The following R3HDM1 variants were observed in gnomAD, a reference collection of about 807,000 sequenced individuals.
R3HDM1 encodes the protein R3H domain containing 1, also known as R3H domain-containing protein 1.
Under a neutral mutation model 141.1 loss-of-function variants are expected in R3HDM1, and 46 were observed. The observed-to-expected ratio is 0.33, with a 90% CI of 0.26 to 0.42. The LOEUF (loss-of-function observed/expected upper bound fraction) is 0.42, where lower values mean the gene tolerates loss of function less well. R3HDM1 is among the 10% of genes least tolerant of loss of function. R3HDM1 has a pLI of 1.00. For synonymous variants in R3HDM1, 435 were observed against 472.9 expected, an observed-to-expected ratio of 0.92 and a Z score of 1.04; for missense variants, 1,184 against 1,368.3, an observed-to-expected ratio of 0.87 and a Z score of 2.12.
intron 9 of R3HDM1, among the ~76,000 whole-genome samples, chr2:135,635,099 C>T (rs1409394962): frequency 2.0e-5 from 3 of 152,180 alleles, no homozygotes; most frequent in African/African-American, 7.2e-5. Flanking sequence ...ACTTTGACTT[C>T]TATAAAAGAA....
At chr2:135,642,588 A>G (rs2063917271) in intron 15 of R3HDM1, among the ~76,000 whole-genome samples, 1 of 152,240 alleles carries the variant, frequency 6.6e-6, no homozygotes, top group Admixed American at 6.5e-5. Context: ...TCAAGATAGC[A>G]TAGCCCAGTC....
Position 135,652,052 on chromosome 2 carries a change from T to G in R3HDM1, c.2028+20T>G, listed in dbSNP as rs1453229935. 3 of 1,528,124 alleles carry G rather than the reference T, an allele frequency of 2.0e-6. No individual in the cohort carries two copies. In the Admixed American group the frequency reaches 6.1e-5, roughly 31 times the overall value. The allele number at this position is 1,528,124 out of a possible 1,614,324, so 94.7% of individuals were successfully genotyped here. A position where few individuals can be genotyped will look rare whatever the true frequency, so the allele number is the denominator to read the frequency against. Reference sequence around the variant, plus strand: ...CCACAGGTATATTGCTTTTTAACCTTTTCTTTCTTGTGGAAACCTCTCACT... The same window carrying G: ...CCACAGGTATATTGCTTTTTAACCTGTTCTTTCTTGTGGAAACCTCTCACT... On this transcript the variant is annotated intron_variant, in intron 18 of 26. Transcript: ENST00000683871.
At chr2:135,616,557 C>A in intron 4 of R3HDM1, 111 bp from the exon 5 acceptor site, 1 of 850,586 alleles carries the variant, frequency 1.2e-6, no homozygotes, top group Middle Eastern at 2.9e-4. Flanking sequence ...ATTTCATCTA[C>A]TGTTATACAT....
At chr2:135,579,318 A>G (rs995880677) in intron 1 of R3HDM1, among the ~76,000 whole-genome samples, 1 of 152,242 alleles carries the variant, frequency 6.6e-6, no homozygotes, top group African/African-American at 2.4e-5. Context: ...TGTAACCCAC[A>G]AAATAAAACA....
chr2:135,676,470 T>G (rs1314772163), intron 20 of R3HDM1, among the ~76,000 whole-genome samples: 2 of 152,230 alleles, frequency 1.3e-5, no homozygotes, highest in African/African-American at 4.8e-5. Context: ...CAAGAGGGTT[T>G]ATTTTATTAG....
intron 3 of R3HDM1, chr2:135,605,291 G>T (rs1471811216): frequency 5.0e-6 from 1 of 198,978 alleles, no homozygotes; most frequent in Non-Finnish European, 1.0e-5. Flanking sequence ...TACCAGTGCT[G>T]TGAGAGTTTT....
chr2:135,681,993 G>A (rs1432441327), intron 21 of R3HDM1, among the ~76,000 whole-genome samples: 1 of 150,586 alleles, frequency 6.6e-6, no homozygotes, highest in African/African-American at 2.4e-5. Flanking sequence ...CATTTGTTGT[G>A]TGAGTTTAAA....
chr2:135,663,585 A>C (rs1481261048), intron 19 of R3HDM1, among the ~76,000 whole-genome samples: 7 of 152,238 alleles, frequency 4.6e-5, no homozygotes, highest in Non-Finnish European at 1.0e-4. Context: ...ATTTTCCTTT[A>C]AAGAAAAGTT....
chr2:135,715,811 C>T (rs1048032095), intron 24 of R3HDM1, 117 bp downstream of exon 24: 27 of 1,251,142 alleles, frequency 2.2e-5, no homozygotes, highest in Non-Finnish European at 2.9e-5. Flanking sequence ...TGCATCTTCA[C>T]CTACACTCAG....
intron 18 of R3HDM1, among the ~76,000 whole-genome samples, chr2:135,654,993 T>G (rs1263036662): frequency 6.6e-6 from 1 of 152,062 alleles, no homozygotes; most frequent in Non-Finnish European, 1.5e-5. Context: ...TTTTCACTCA[T>G]TCTGTAAAAT....
chr2:135,636,324 G>A, intron 11 of R3HDM1, 141 bp downstream of exon 11: 2 of 1,362,870 alleles, frequency 1.5e-6, no homozygotes, highest in Admixed American at 3.2e-5. Flanking sequence ...GAAATATTGA[G>A]ATCAGTTTTG....
intron 1 of R3HDM1, among the ~76,000 whole-genome samples, chr2:135,551,977 T>C (rs967886367): frequency 6.6e-6 from 1 of 152,174 alleles, no homozygotes. Context: ...CTGCTTAGAG[T>C]CTAATTGCAA....
intron 21 of R3HDM1, among the ~76,000 whole-genome samples, chr2:135,694,421 A>G (rs746593173): frequency 6.6e-6 from 1 of 152,202 alleles, no homozygotes; most frequent in African/African-American, 2.4e-5. Context: ...AGGGATATTG[A>G]AGAAAGGATC....
At chr2:135,672,387 A>C (rs1052025253) in intron 19 of R3HDM1, among the ~76,000 whole-genome samples, 1 of 152,200 alleles carries the variant, frequency 6.6e-6, no homozygotes, top group Admixed American at 6.5e-5. Flanking sequence ...ACTATTCCCC[A>C]TTAAAACATA....
At position 135,669,487 on chromosome 2, in the gene R3HDM1, G is replaced by A. The variant is rs1386673028; in HGVS notation, c.2153-5845G>A. 3 of 984,074 alleles carry A rather than the reference G, an allele frequency of 3.0e-6. No individual in the cohort carries two copies. In the African/African-American group the frequency reaches 5.2e-5, roughly 17 times the overall value. The allele number at this position is 984,074 out of a possible 1,614,324, so 61.0% of individuals were successfully genotyped here. Reference sequence around the variant, plus strand: ...TAATTAAGTTTATCTTGAGACTTAGGTATGTTAAGCTACAGTAAAGTCTTC... The same window carrying A: ...TAATTAAGTTTATCTTGAGACTTAGATATGTTAAGCTACAGTAAAGTCTTC... On this transcript the variant is annotated intron_variant, in intron 19 of 26. Coordinates refer to ENST00000683871, the MANE Select transcript of R3HDM1 (RefSeq NM_001378107.1).
intron 21 of R3HDM1, among the ~76,000 whole-genome samples, chr2:135,687,366 C>T (rs561392116): frequency 1.3e-5 from 2 of 152,290 alleles, no homozygotes; most frequent in East Asian, 1.9e-4. Context: ...TGCCTATAGT[C>T]ATATTGTGTT....
chr2:135,674,944 T>G (rs975850209), intron 19 of R3HDM1, among the ~76,000 whole-genome samples: 3 of 152,058 alleles, frequency 2.0e-5, no homozygotes, highest in South Asian at 2.1e-4. Flanking sequence ...TGTTGTTTTT[T>G]TTTTTTTTTA....
At chr2:135,674,853 G>C (rs1055036564) in intron 19 of R3HDM1, among the ~76,000 whole-genome samples, 4 of 151,558 alleles carry the variant, frequency 2.6e-5, no homozygotes, top group African/African-American at 9.7e-5. Flanking sequence ...ACAGTTTCAT[G>C]GGAATGGAAC....
intron 18 of R3HDM1, among the ~76,000 whole-genome samples, chr2:135,660,127 T>A (rs2105304159): frequency 6.6e-6 from 1 of 152,344 alleles, no homozygotes; most frequent in Middle Eastern, 3.4e-3. Context: ...TAGCTGTATA[T>A]GTTTCAATAA....
Sources: allele counts gnomAD v4.1 joint callset (sites outside exome capture counted in the v4.1 genomes callset), GRCh38; gene constraint gnomAD v4.1.1; transcripts MANE v1.5; gene names NCBI Gene and HGNC (gene_info 2026-07-23, HGNC 2026-07-21).